MLANA: variants seen among roughly 807,000 people sequenced by gnomAD.
MLANA encodes melanoma antigen recognized by T-cells 1.
MLANA carries 21 observed loss-of-function variants against 15.7 expected under a neutral mutation model. The ratio of observed to expected loss-of-function variants is 1.33; its 90% CI spans 0.95 to 1.92. The LOEUF is 1.92. Ranked by LOEUF, MLANA falls within the 40% of genes most tolerant of loss-of-function variation. MLANA has a pLI of 0.00. For synonymous variants in MLANA, 56 were observed against 51.5 expected (o/e 1.09, Z -0.37); for missense variants, 164 against 143.8 (o/e 1.14, Z -0.72).
intron 3 of MLANA, among the ~76,000 whole-genome samples, chr9:5,904,886 G>C (rs1245278580): frequency 6.6e-6 from 1 of 151,368 alleles, no homozygotes; most frequent in African/African-American, 2.4e-5. Context: ...CCATTCTCCT[G>C]ACTCAGCCTC....
chr9:5,898,119 C>T (rs1832158647), intron 3 of MLANA: 1 of 157,206 alleles, frequency 6.4e-6, no homozygotes, highest in Non-Finnish European at 1.4e-5. Flanking sequence ...ACATGAGTCA[C>T]TGTAGCCTTG....
chr9:5,908,679 G>A lies in MLANA; in HGVS notation c.328G>A (p.Glu110Lys), dbSNP rs770952264. The A allele has an allele frequency of 6.2e-6, 10 of 1,613,914 alleles. No homozygotes were observed. Among genetic ancestry groups the A allele is most frequent in the African/African-American group, 1.3e-5 (1 of 74,902 alleles). Residue 110 changes from glutamate (E) to lysine (K), a missense_variant, in exon 5 of 5, where the codon GAA becomes AAA. Coordinates refer to ENST00000381477, the MANE Select transcript of MLANA (RefSeq NM_005511.2). Reference protein sequence around the residue: ...APPAYEKLSAEQSPPPYSP With the variant: ...APPAYEKLSAKQSPPPYSP ...ACCTGCTTATGAGAAACTCTCTGCA[G>A]AACAGTCACCACCACCTTATTCACC...
At chr9:5,897,258 T>A (rs1208085067) in intron 2 of MLANA, among the ~76,000 whole-genome samples, 1 of 152,222 alleles carries the variant, frequency 6.6e-6, no homozygotes, top group Admixed American at 6.5e-5. Flanking sequence ...AAATACATTG[T>A]CCACATAAAG....
At chr9:5,907,916 G>A (rs1208663206) in intron 4 of MLANA, among the ~76,000 whole-genome samples, 3 of 152,224 alleles carry the variant, frequency 2.0e-5, no homozygotes, top group African/African-American at 7.2e-5. Context: ...TAGTGCCACT[G>A]CACTCCAGCC....
chr9:5,897,978 GA>G (rs1224023083), intron 3 of MLANA: 6 of 265,398 alleles, frequency 2.3e-5, no homozygotes, highest in Non-Finnish European at 4.5e-5. Context: ...CACACCTGGT[GA>G]GGACTTCTTG....
intron 3 of MLANA, among the ~76,000 whole-genome samples, chr9:5,899,929 C>A (rs1832306802): frequency 6.6e-6 from 1 of 152,168 alleles, no homozygotes; most frequent in African/African-American, 2.4e-5. Context: ...CTATTTTACA[C>A]CCAGACATGT....
chr9:5,905,071 C>T (rs1045813139), intron 3 of MLANA, among the ~76,000 whole-genome samples: 3 of 152,196 alleles, frequency 2.0e-5, no homozygotes, highest in Admixed American at 6.5e-5. Context: ...CCGTGCCCGG[C>T]CTTATACTTC....
At chr9:5,896,700 C>T (rs1020479019) in intron 2 of MLANA, among the ~76,000 whole-genome samples, 4 of 152,262 alleles carry the variant, frequency 2.6e-5, no homozygotes, top group Non-Finnish European at 5.9e-5. Flanking sequence ...ATGATGCTTG[C>T]CCGGAGTGAA....
Position 5,906,892 on chromosome 9 carries a change from G to T in MLANA, c.182G>T (p.Ser61Ile), listed in dbSNP as rs778135796. The T allele has an allele frequency of 6.3e-7, 1 of 1,576,736 alleles. No homozygotes were observed. The highest frequency in any genetic ancestry group is 8.6e-7 in the Non-Finnish European group (1 of 1,165,308). The change falls in exon 4 of 5, where the codon AGT becomes ATT. Residue 61 changes from serine (S) to isoleucine (I), a missense_variant. Physicochemically the swap from Ser to Ile is moderately radical, Grantham distance 142. Coordinates refer to ENST00000381477, the MANE Select transcript of MLANA (RefSeq NM_005511.2). Reference sequence around the variant, plus strand: ...TATCAATTTACATTTCAGGATAAAAGTCTTCATGTTGGCACTCAATGTGCC... The same window carrying T: ...TATCAATTTACATTTCAGGATAAAATTCTTCATGTTGGCACTCAATGTGCC... The part of the protein sequence containing the change: ...RNGYRALMDK[S>I]LHVGTQCALT...
At position 5,894,684 on chromosome 9, in the gene MLANA, A is replaced by T. The variant is rs1383186922; in HGVS notation, c.77+2133A>T. Among the ~76,000 whole-genome samples, 1 of 152,146 alleles carries T rather than the reference A, an allele frequency of 6.6e-6. No individual in the cohort carries two copies. Among genetic ancestry groups the T allele is most frequent in the Non-Finnish European group, 1.5e-5 (1 of 68,024 alleles). On this transcript the variant is annotated intron_variant, in intron 2 of 4. Transcript: ENST00000381477. This position sits in a 1 kb window ranked among gnomAD's most constrained non-coding sequence, Gnocchi z 4.0. ...AGCTGGTGCTTGGCATATACAGACA[A>T]TGTGAGCATTGCTGGGGTGATCCTG... is the stretch of plus-strand genomic sequence containing the variant.
intron 1 of MLANA, 86 bp downstream of exon 1, chr9:5,891,022 C>T (rs1831626806): frequency 2.0e-5 from 3 of 152,140 alleles, no homozygotes; most frequent in South Asian, 2.1e-4. Context: ...CTCTGCCTAC[C>T]CTCATTGCCC....
rs1051601294 is a variant in MLANA, at chr9:5,907,112, G to A, written c.288+114G>A. ...CAATGTGAATGTACTCATTGCCACT[G>A]AACTATATACACCTAAAAATGGTTA... On this transcript the variant is annotated intron_variant, in intron 4 of 4. Coordinates refer to ENST00000381477, the MANE Select transcript of MLANA (RefSeq NM_005511.2). 6.5e-6 allele frequency: 4 copies of A among 619,122 alleles called. No homozygotes were observed. In the African/African-American group the frequency reaches 7.7e-5, roughly 12 times the overall value. 38.4% of individuals were successfully genotyped at this position (619,122 alleles called of 1,614,324 possible). A position where few individuals can be genotyped will look rare whatever the true frequency, so the allele number is the denominator to read the frequency against.
chr9:5,908,779 T>C lies in MLANA; in HGVS notation c.*71T>C, dbSNP rs192396843. The C allele has an allele frequency of 3.1e-4, 431 of 1,409,402 alleles. No individual in the cohort carries two copies. Among genetic ancestry groups the C allele is most frequent in the Non-Finnish European group, 3.2e-4 (322 of 996,466 alleles). The allele number at this position is 1,409,402 out of a possible 1,614,324, so 87.3% of individuals were successfully genotyped here. On this transcript the variant is annotated 3_prime_UTR_variant, in exon 5 of 5. Transcript: ENST00000381477. ...CTTTTGCTTGAATTTAATACAGACA[T>C]CTAATGTTCTCCTTTGGAATGGTGT...
chr9:5,900,925 C>T (rs1832376651), intron 3 of MLANA, among the ~76,000 whole-genome samples: 2 of 151,778 alleles, frequency 1.3e-5, no homozygotes, highest in Non-Finnish European at 2.9e-5. Context: ...TGTCAGGGCA[C>T]TGTGTTTTTC....
intron 2 of MLANA, 41 bp downstream of exon 2, chr9:5,892,592 G>T: frequency 6.4e-7 from 1 of 1,571,200 alleles, no homozygotes; most frequent in Non-Finnish European, 8.7e-7. Context: ...CCAGTTTGCC[G>T]TTTGCTGACA....
chr9:5,892,040 ACTC>A (rs1831689115), intron 1 of MLANA, among the ~76,000 whole-genome samples: 1 of 152,162 alleles, frequency 6.6e-6, no homozygotes, highest in Non-Finnish European at 1.5e-5. Context: ...GAGAAAAATA[ACTC>A]CTCTAATTTT....
At chr9:5,904,487 G>C (rs1217644965) in intron 3 of MLANA, among the ~76,000 whole-genome samples, 1 of 151,046 alleles carries the variant, frequency 6.6e-6, no homozygotes. Context: ...TTTTCTTTTT[G>C]AGACAGAATC....
chr9:5,909,872 C>G lies in MLANA; in HGVS notation c.*1164C>G, dbSNP rs956162665. 1 of 152,208 alleles carries G rather than the reference C, an allele frequency of 6.6e-6. No homozygotes were observed. The highest frequency in any genetic ancestry group is 2.4e-5 in the African/African-American group (1 of 41,446). 9.4% of individuals were successfully genotyped at this position (152,208 alleles called of 1,614,324 possible). ...AACATTGCAATTTGTTTTCCTTTGG[C>G]TACATCAACGTATCACCTACACTAT... is the stretch of plus-strand genomic sequence containing the variant. On this transcript the variant is annotated 3_prime_UTR_variant, in exon 5 of 5. Transcript: ENST00000381477.
At chr9:5,897,744 C>G in intron 3 of MLANA, 91 bp downstream of exon 3, 4 of 1,119,840 alleles carry the variant, frequency 3.6e-6, no homozygotes, top group South Asian at 1.2e-5. Flanking sequence ...CAGATAATTG[C>G]CTCATTATAA....
Sources: allele counts gnomAD v4.1 joint callset (sites outside exome capture counted in the v4.1 genomes callset), GRCh38; gene constraint gnomAD v4.1.1; non-coding constraint Gnocchi (gnomAD v3.1); transcripts MANE v1.5; gene names NCBI Gene and HGNC (gene_info 2026-07-23, HGNC 2026-07-21).